The following RALGAPA2 variants were observed in gnomAD, a reference collection of about 807,000 sequenced individuals.
The protein encoded by RALGAPA2 is ral GTPase-activating protein subunit alpha-2.
Under a neutral mutation model 230.4 loss-of-function variants are expected in RALGAPA2, and 139 were observed. The ratio of observed to expected loss-of-function variants is 0.60; its 90% CI spans 0.53 to 0.69. RALGAPA2 has a LOEUF of 0.69. RALGAPA2 is among the 30% of genes least tolerant of loss of function. RALGAPA2 has a pLI of 0.00. For synonymous variants in RALGAPA2, 847 were observed against 837.8 expected (o/e 1.01, Z -0.19); for missense variants, 2,163 against 2,276.0 (o/e 0.95, Z 1.01).
intron 37 of RALGAPA2, among the ~76,000 whole-genome samples, chr20:20,413,491 A>G (rs1489637796): frequency 6.6e-6 from 1 of 152,202 alleles, no homozygotes; most frequent in African/African-American, 2.4e-5. Context: ...AGTAGCCACA[A>G]GCCACACGTG....
chr20:20,399,775 T>G (rs1344733498), intron 38 of RALGAPA2, among the ~76,000 whole-genome samples: 1 of 152,222 alleles, frequency 6.6e-6, no homozygotes, highest in Non-Finnish European at 1.5e-5. Context: ...CCAGCTGTAC[T>G]CACTGGGATA....
intron 38 of RALGAPA2, among the ~76,000 whole-genome samples, chr20:20,407,523 G>A (rs2059972066): frequency 6.6e-6 from 1 of 152,352 alleles, no homozygotes. Context: ...GCTGGGTGTA[G>A]CCATATCCCT....
chr20:20,493,183 C>T (rs570650364), intron 36 of RALGAPA2, among the ~76,000 whole-genome samples: 8 of 152,294 alleles, frequency 5.3e-5, no homozygotes, highest in South Asian at 2.1e-4. Context: ...ACTTTCCCTC[C>T]GCAAGCCTCT....
At chr20:20,669,197 T>C (rs1052067341) in intron 3 of RALGAPA2, among the ~76,000 whole-genome samples, 2 of 152,170 alleles carry the variant, frequency 1.3e-5, no homozygotes, top group East Asian at 1.9e-4. Flanking sequence ...GGTGAGGAAA[T>C]ATCAAATTCT....
At chr20:20,595,266 C>T (rs979819069) in intron 16 of RALGAPA2, among the ~76,000 whole-genome samples, 1 of 152,128 alleles carries the variant, frequency 6.6e-6, no homozygotes, top group African/African-American at 2.4e-5. Flanking sequence ...AACCAAAATT[C>T]TGAGTTCCAT....
chr20:20,512,494 G>A lies in RALGAPA2; in HGVS notation c.4856+19C>T. 6.5e-7 allele frequency: 1 copy of A among 1,543,232 alleles called. No homozygotes were observed. Among genetic ancestry groups the A allele is most frequent in the Non-Finnish European group, 8.7e-7 (1 of 1,146,880 alleles). On this transcript the variant is annotated intron_variant, in intron 32 of 39. Transcript: ENST00000202677. ...GAAAATAATGATAAAATAACTGGAG[G>A]TCTAGCTTGGATTGTTACCTTCTGT... is the stretch of plus-strand genomic sequence containing the variant.
chr20:20,663,292 C>T (rs146948607), intron 3 of RALGAPA2, among the ~76,000 whole-genome samples: 20 of 152,206 alleles, frequency 1.3e-4, no homozygotes, highest in African/African-American at 4.1e-4. Flanking sequence ...CAATACTGAA[C>T]AAAATAAACA....
At chr20:20,448,127 G>T (rs979979986) in intron 37 of RALGAPA2, among the ~76,000 whole-genome samples, 1 of 152,120 alleles carries the variant, frequency 6.6e-6, no homozygotes, top group African/African-American at 2.4e-5. Context: ...AGTAAAAATT[G>T]TTTTTGAAAA....
At chr20:20,639,655 A>G (rs1004654999) in intron 7 of RALGAPA2, 130 bp downstream of exon 7, 2 of 669,178 alleles carry the variant, frequency 3.0e-6, no homozygotes, top group South Asian at 3.8e-5. Context: ...ATTTGCTGAA[A>G]TATCACATAA....
intron 17 of RALGAPA2, among the ~76,000 whole-genome samples, chr20:20,589,687 A>T (rs1447760157): frequency 6.6e-6 from 1 of 152,086 alleles, no homozygotes; most frequent in Non-Finnish European, 1.5e-5. Flanking sequence ...CTCAGAGAAA[A>T]AGTGCCTGTG....
At chr20:20,706,560 G>A (rs566407913) in intron 1 of RALGAPA2, among the ~76,000 whole-genome samples, 51 of 152,252 alleles carry the variant, frequency 3.3e-4, no homozygotes, top group African/African-American at 8.9e-4. Context: ...CTAAAACACC[G>A]GAGGAGATTG....
intron 23 of RALGAPA2, 119 bp downstream of exon 23, chr20:20,571,339 T>A: frequency 8.6e-7 from 1 of 1,165,710 alleles, no homozygotes; most frequent in Admixed American, 2.9e-5. Context: ...GTAAAAGAGT[T>A]GAAACTACTG....
At chr20:20,672,432 A>G (rs2068167472) in intron 3 of RALGAPA2, among the ~76,000 whole-genome samples, 1 of 152,246 alleles carries the variant, frequency 6.6e-6, no homozygotes, top group Admixed American at 6.5e-5. Context: ...AAAGATGTCT[A>G]AAAATGAACG....
At chr20:20,450,572 G>A (rs1027167234) in intron 37 of RALGAPA2, among the ~76,000 whole-genome samples, 10 of 152,374 alleles carry the variant, frequency 6.6e-5, no homozygotes, top group African/African-American at 1.9e-4. Context: ...CGGCCATAGA[G>A]TCAGGTTGGT....
chr20:20,637,149 G>A (rs1022456852), intron 8 of RALGAPA2, among the ~76,000 whole-genome samples: 12 of 152,128 alleles, frequency 7.9e-5, no homozygotes, highest in African/African-American at 2.4e-4. Flanking sequence ...TAGGAGCCAC[G>A]GTTCCCTTTT....
chr20:20,657,132 A>G (rs888496768), intron 3 of RALGAPA2, among the ~76,000 whole-genome samples: 1 of 152,238 alleles, frequency 6.6e-6, no homozygotes, highest in Admixed American at 6.5e-5. Context: ...TAGGAGTACA[A>G]ATGGCCTACT....
intron 23 of RALGAPA2, among the ~76,000 whole-genome samples, chr20:20,563,535 C>T (rs971098237): frequency 6.6e-5 from 10 of 152,198 alleles, no homozygotes; most frequent in Non-Finnish European, 1.2e-4. Context: ...TCCTAACAGG[C>T]AAGAATTCTT....
At chr20:20,406,039 G>A (rs2059938234) in intron 38 of RALGAPA2, among the ~76,000 whole-genome samples, 1 of 152,200 alleles carries the variant, frequency 6.6e-6, no homozygotes, top group South Asian at 2.1e-4. Flanking sequence ...GCTTACATAT[G>A]CTAAGGAAAA....
chr20:20,455,172 G>A lies in RALGAPA2; in HGVS notation c.5495+17657C>T, dbSNP rs79957548. Among the ~76,000 whole-genome samples the A allele has an allele frequency of 3.7e-3, 570 of 152,344 alleles. 3 individuals carry two copies. Among genetic ancestry groups the A allele is most frequent in the African/African-American group, 0.013 (545 of 41,580 alleles). ...CCGGAGCTGCTGCCTCCACAGTCCC[G>A]TGTAATGCCACCTAAGTGCTCTGCC... is the stretch of plus-strand genomic sequence containing the variant. On this transcript the variant is annotated intron_variant, in intron 37 of 39. Transcript: ENST00000202677.
Sources: gnomAD v4.1 joint callset for allele counts (sites outside exome capture counted in the v4.1 genomes callset) on GRCh38, gnomAD v4.1.1 for gene constraint, MANE v1.5 for transcripts, NCBI Gene and HGNC (gene_info 2026-07-23, HGNC 2026-07-21) for gene names.